TASOR2: variants seen among roughly 807,000 people sequenced by gnomAD.
TASOR2 encodes the protein transcription activation suppressor family member 2.
In TASOR2, 84 loss-of-function variants were observed where a neutral mutation model predicts 199.5. The ratio of observed to expected loss-of-function variants is 0.42; its 90% CI spans 0.35 to 0.50. TASOR2 has a LOEUF of 0.50. TASOR2 is among the 20% of genes least tolerant of loss of function. The pLI, the probability that TASOR2 is intolerant of heterozygous loss-of-function variation, is 0.02. For synonymous variants in TASOR2, 1,103 were observed against 1,046.6 expected, an observed-to-expected ratio of 1.05 and a Z score of -1.04; for missense variants, 2,796 against 2,835.9, an observed-to-expected ratio of 0.99 and a Z score of 0.32.
chr10:5,746,924 C>G lies in TASOR2; in HGVS notation c.3503C>G (p.Ser1168Cys), dbSNP rs201764527. The G allele has an allele frequency of 1.9e-4, 302 of 1,614,076 alleles. 1 individual carries two copies. The highest frequency in any genetic ancestry group is 9.6e-5 in the Non-Finnish European group (113 of 1,180,032). ...GAGGCACTATCATTAGCTAAAAGTTCTAGTCATCTATCACCCAGTGAAGAA... is the reference window on the plus strand; with the variant it reads ...GAGGCACTATCATTAGCTAAAAGTTGTAGTCATCTATCACCCAGTGAAGAA... Residue 1168 changes from serine to cysteine, a missense_variant, in exon 15 of 21, where the codon TCT becomes TGT. Around this residue, in one of 3 missense-constraint regions of TASOR2, gnomAD observed 1,941 missense variants for 1,924.9 expected, o/e 1.01. Coordinates refer to ENST00000328090, the Ensembl canonical transcript of TASOR2.
rs1024502405 is a variant in TASOR2, at chr10:5,754,245, C to T, written c.6607-2368C>T. ...CCCAGGATGTGGAGGTTGTAGTAAG[C>T]CACTGTGCTCCCAGCCTGCCCGACA... is the stretch of plus-strand genomic sequence containing the variant. On this transcript the variant is annotated intron_variant, in intron 15 of 20. Transcript: ENST00000328090. This position sits in a 1 kb window ranked among gnomAD's most constrained non-coding sequence, Gnocchi z 4.3. Among the ~76,000 whole-genome samples, 2 of 152,138 alleles carry T rather than the reference C, an allele frequency of 1.3e-5. No homozygotes were observed. Among genetic ancestry groups the T allele is most frequent in the African/African-American group, 4.8e-5 (2 of 41,414 alleles).
intron 6 of TASOR2, 151 bp downstream of exon 7, chr10:5,721,121 C>T (rs1833306650): frequency 3.4e-6 from 2 of 593,102 alleles, no homozygotes; most frequent in East Asian, 5.6e-5. Context: ...ATGTATAGCA[C>T]ACAGGGTATG....
intron 10 of TASOR2, among the ~76,000 whole-genome samples, chr10:5,728,945 A>G (rs949884423): frequency 5.9e-5 from 9 of 152,114 alleles, no homozygotes; most frequent in African/African-American, 2.2e-4. Context: ...TGTAAACTAT[A>G]AAGTTTCAGG....
intron 12 of TASOR2, among the ~76,000 whole-genome samples, chr10:5,739,243 T>G (rs1258221522): frequency 6.6e-6 from 1 of 152,208 alleles, no homozygotes; most frequent in Non-Finnish European, 1.5e-5. Flanking sequence ...TCATCTTTTT[T>G]GGGTTTTTTT....
At chr10:5,762,021 A>G (rs1481572298) in intron 19 of TASOR2, among the ~76,000 whole-genome samples, 3 of 152,182 alleles carry the variant, frequency 2.0e-5, no homozygotes, top group Admixed American at 2.0e-4. Context: ...TCACGCCTGT[A>G]ATGCCAGCAC....
At chr10:5,697,209 C>T (rs1837268598) in intron 1 of TASOR2, among the ~76,000 whole-genome samples, 2 of 152,182 alleles carry the variant, frequency 1.3e-5, no homozygotes, top group African/African-American at 4.8e-5. Flanking sequence ...GATTTTCTTC[C>T]TACTTCTGAA....
At chr10:5,757,767 C>A in intron 17 of TASOR2, 94 bp downstream of exon 18, 1 of 1,372,156 alleles carries the variant, frequency 7.3e-7, no homozygotes, top group Non-Finnish European at 1.0e-6. Context: ...AAATGATCAA[C>A]TCTAAGGAAT....
At position 5,690,756 on chromosome 10, in the gene TASOR2, A is replaced by G. The variant is rs999046651; in HGVS notation, c.-288+5581A>G. On this transcript the variant is annotated intron_variant, in intron 1 of 20. Transcript: ENST00000328090. The surrounding 1 kb of genome is among the most constrained non-coding windows in gnomAD (Gnocchi z 4.8). ...GTATATTAATGAATACGATACAACC[A>G]TTTTATACAGGCAAAAGATGGTTTA... Among the ~76,000 whole-genome samples, 3 of 152,216 alleles carry G rather than the reference A, an allele frequency of 2.0e-5. No individual in the cohort carries two copies. Among genetic ancestry groups the G allele is most frequent in the Non-Finnish European group, 2.9e-5 (2 of 68,042 alleles).
intron 11 of TASOR2, 94 bp from the exon 13 acceptor site, chr10:5,735,210 C>T: frequency 6.8e-7 from 1 of 1,475,624 alleles, no homozygotes. Flanking sequence ...GTTACTGTCC[C>T]CAAAATAAAA....
chr10:5,761,432 A>C, exon 19 of TASOR2: 7 of 1,613,374 alleles, frequency 4.3e-6, no homozygotes, highest in Non-Finnish European at 5.9e-6. Context: ...AAACCTGCAA[A>C]TTCAGCATAT....
chr10:5,727,758 G>A (rs934203051), intron 10 of TASOR2, among the ~76,000 whole-genome samples: 6 of 151,930 alleles, frequency 3.9e-5, no homozygotes, highest in African/African-American at 1.2e-4. Context: ...CTTTGTTCCC[G>A]TCAACACTCT....
At position 5,710,469 on chromosome 10, in the gene TASOR2, C is replaced by T. The variant is rs1004192381; in HGVS notation, c.-287-2354C>T. Among the ~76,000 whole-genome samples the T allele has an allele frequency of 3.3e-5, 5 of 152,116 alleles. No individual in the cohort carries two copies. Among genetic ancestry groups the T allele is most frequent in the East Asian group, 1.9e-4 (1 of 5,190 alleles). ...AATTTGGTACTTGTTCCTCCTCCTT[C>T]GTTTTAAATCATTGGCTTTATTTAT... is the stretch of plus-strand genomic sequence containing the variant. On this transcript the variant is annotated intron_variant, in intron 1 of 20. Transcript: ENST00000328090. The surrounding 1 kb of genome is among the most constrained non-coding windows in gnomAD (Gnocchi z 4.6).
intron 11 of TASOR2, among the ~76,000 whole-genome samples, chr10:5,732,489 C>T (rs556165716): frequency 8.1e-4 from 123 of 152,332 alleles, no homozygotes; most frequent in African/African-American, 2.7e-3. Context: ...AAAGAAGAAA[C>T]GTCTAGGGTA....
Position 5,720,570 on chromosome 10 carries a change from C to G in TASOR2, c.-73C>G. ...ATTACTTTTACGAACTTTCAGGCAA[C>G]ACCGTTATTGAACGACCCAGACAGA... is the stretch of plus-strand genomic sequence containing the variant. On this transcript the variant is annotated 5_prime_UTR_variant, in exon 4 of 21. Transcript: ENST00000328090. This position sits in a 1 kb window ranked among gnomAD's most constrained non-coding sequence, Gnocchi z 5.3. 1 of 1,607,334 alleles carries G rather than the reference C, an allele frequency of 6.2e-7. No homozygotes were observed. The highest frequency in any genetic ancestry group is 8.5e-7 in the Non-Finnish European group (1 of 1,177,012).
rs193221853 is a variant in TASOR2 at position 5,724,350 on chromosome 10, A to G, written c.248-80A>G. 1,593 of 598,228 alleles carry G rather than the reference A, an allele frequency of 2.7e-3. 9 individuals carry two copies. The highest frequency in any genetic ancestry group is 2.4e-3 in the Non-Finnish European group (858 of 360,904). 37.1% of individuals were successfully genotyped at this position (598,228 alleles called of 1,614,324 possible). A position where few individuals can be genotyped will look rare whatever the true frequency, so the allele number is the denominator to read the frequency against. The stretch of plus-strand genomic sequence containing the variant: ...GTATTTCTATTCTTTCATTTTTGCA[A>G]CATATAAAATGAACAAATTGACTGT... On this transcript the variant is annotated intron_variant, in intron 7 of 20. Transcript: ENST00000328090.
chr10:5,688,751 G>A (rs760035137), intron 1 of TASOR2, among the ~76,000 whole-genome samples: 25 of 152,024 alleles, frequency 1.6e-4, no homozygotes, highest in South Asian at 1.5e-3. Flanking sequence ...TCATGCGTGT[G>A]ATGCTAGCAC....
chr10:5,685,988 T>A lies in TASOR2; in HGVS notation c.-288+813T>A, dbSNP rs1034206409. ...CGATCCTAGAGTCTACAGTGTTCCC[T>A]GAATAAAACTAGGGGTGAGCCTGGC... On this transcript the variant is annotated intron_variant, in intron 1 of 20. Transcript: ENST00000328090. The surrounding 1 kb of genome is among the most constrained non-coding windows in gnomAD (Gnocchi z 5.4). 1.3e-5 allele frequency among the ~76,000 whole-genome samples: 2 copies of A among 152,218 alleles called. No individual in the cohort carries two copies. The highest frequency in any genetic ancestry group is 2.9e-5 in the Non-Finnish European group (2 of 68,028).
Position 5,730,977 on chromosome 10 carries a change from TGAA to T in TASOR2, c.982_984del (p.Glu328del), listed in dbSNP as rs754360369. ...AAGAAACTGAAACAAAAAAGGATTC[TGAA>T]GAAATGTTGAAAGCAAAGAAGAGAG... On this transcript the variant is annotated inframe_deletion, in exon 11 of 21. Transcript: ENST00000328090. The surrounding 1 kb of genome is among the most constrained non-coding windows in gnomAD (Gnocchi z 4.1). The T allele has an allele frequency of 5.0e-6, 8 of 1,614,080 alleles. No individual in the cohort carries two copies. The East Asian group carries it at 1.8e-4, about 36-fold the overall frequency.
chr10:5,747,124 T>TTA lies in TASOR2; in HGVS notation c.3704_3705dup (p.Glu1236Ter). 6.2e-7 allele frequency: 1 copy of TTA among 1,614,104 alleles called. No homozygotes were observed. The highest frequency in any genetic ancestry group is 8.5e-7 in the Non-Finnish European group (1 of 1,180,030). On this transcript the variant is annotated frameshift_variant, in exon 15 of 21. Coordinates refer to ENST00000328090, the Ensembl canonical transcript of TASOR2. LOFTEE classifies it high-confidence loss of function. The stretch of plus-strand genomic sequence containing the variant: ...AGGATGCCACACATCAGGTGACTCT[T>TTA]TAGAACTAAGGAAGAATCACAAGAA...
Sources: gnomAD v4.1 joint callset for allele counts (sites outside exome capture counted in the v4.1 genomes callset) on GRCh38, gnomAD v4.1.1 for gene constraint, gnomAD v4.1.1 regional missense constraint, Gnocchi (gnomAD v3.1) non-coding constraint, MANE v1.5 for transcripts, NCBI Gene and HGNC (gene_info 2026-07-23, HGNC 2026-07-21) for gene names.